IMMP2L: variants seen among roughly 807,000 people sequenced by gnomAD.
IMMP2L encodes inner mitochondrial membrane peptidase subunit 2.
In IMMP2L, 18 loss-of-function variants were observed where a neutral mutation model predicts 19.3. The observed-to-expected ratio is 0.93, with a 90% CI of 0.64 to 1.38. The LOEUF (loss-of-function observed/expected upper bound fraction) is 1.38. Among genes scored for constraint, IMMP2L ranks in the 40% most tolerant of loss-of-function variants. IMMP2L has a pLI of 0.00. For synonymous variants in IMMP2L, 76 were observed against 73.0 expected (o/e 1.04, Z -0.21); for missense variants, 233 against 218.2 (o/e 1.07, Z -0.43).
intron 3 of IMMP2L, among the ~76,000 whole-genome samples, chr7:111,047,674 T>C (rs900312878): frequency 6.6e-6 from 1 of 152,136 alleles, no homozygotes; most frequent in Non-Finnish European, 1.5e-5. Flanking sequence ...TTCTTAGAAA[T>C]TCCAGGGGCT....
At chr7:111,005,376 G>A (rs866209127) in intron 3 of IMMP2L, among the ~76,000 whole-genome samples, 7 of 152,036 alleles carry the variant, frequency 4.6e-5, no homozygotes, top group African/African-American at 7.2e-5. Flanking sequence ...AGTAGCTCTC[G>A]GAAATTATTA....
intron 3 of IMMP2L, chr7:111,411,772 C>A: frequency 5.1e-6 from 1 of 197,704 alleles, no homozygotes; most frequent in South Asian, 9.5e-5. Flanking sequence ...AGCTGGTGAG[C>A]GTCAACGTGC....
chr7:111,366,843 G>A (rs567581087), intron 3 of IMMP2L, among the ~76,000 whole-genome samples: 37 of 151,592 alleles, frequency 2.4e-4, no homozygotes, highest in Non-Finnish European at 4.0e-4. Flanking sequence ...ATACACACAC[G>A]TATATATGTG....
intron 3 of IMMP2L, among the ~76,000 whole-genome samples, chr7:111,037,221 T>G (rs924641408): frequency 6.6e-6 from 1 of 152,284 alleles, no homozygotes; most frequent in East Asian, 1.9e-4. Flanking sequence ...ATATACATAG[T>G]ATGGAACATT....
At chr7:110,724,557 T>C (rs561159920) in intron 5 of IMMP2L, 4 of 152,274 alleles carry the variant, frequency 2.6e-5, no homozygotes, top group African/African-American at 9.6e-5. Flanking sequence ...TTGCAGCTTC[T>C]CTGAGGAATG....
At chr7:111,038,975 G>A (rs940592448) in intron 3 of IMMP2L, among the ~76,000 whole-genome samples, 6 of 152,088 alleles carry the variant, frequency 3.9e-5, no homozygotes, top group Non-Finnish European at 7.4e-5. Flanking sequence ...TCTAAGCCTT[G>A]GAATTCAGGG....
chr7:111,263,608 T>G (rs1286630624), intron 3 of IMMP2L, among the ~76,000 whole-genome samples: 1 of 151,962 alleles, frequency 6.6e-6, no homozygotes, highest in African/African-American at 2.4e-5. Context: ...ACAGATAAAT[T>G]TGGGAGTCAT....
At chr7:111,305,729 T>C (rs748687193) in intron 3 of IMMP2L, among the ~76,000 whole-genome samples, 1 of 152,194 alleles carries the variant, frequency 6.6e-6, no homozygotes, top group Non-Finnish European at 1.5e-5. Flanking sequence ...TTTAAAATAA[T>C]GAAGAATCAG....
At position 111,013,646 on chromosome 7, in the gene IMMP2L, T is replaced by C. The variant is rs890766492; in HGVS notation, c.240-50081A>G. 2.0e-5 allele frequency among the ~76,000 whole-genome samples: 3 copies of C among 152,138 alleles called. 1 individual carries two copies. The highest frequency in any genetic ancestry group is 2.0e-4 in the Admixed American group (3 of 15,256). ...TCACTCCAAACTAACTCCTCCCACA[T>C]ACAAACTCCCATATATGCCCCTTGC... On this transcript the variant is annotated intron_variant, in intron 3 of 5. Transcript: ENST00000405709.
chr7:110,702,701 C>T (rs929562751), intron 5 of IMMP2L, among the ~76,000 whole-genome samples: 1 of 152,008 alleles, frequency 6.6e-6, no homozygotes, highest in Admixed American at 6.6e-5. Context: ...TTAACATTTT[C>T]AATTTTCAAT....
intron 3 of IMMP2L, among the ~76,000 whole-genome samples, chr7:111,384,508 T>C (rs187557401): frequency 1.4e-4 from 21 of 152,240 alleles, no homozygotes; most frequent in Admixed American, 1.1e-3. Flanking sequence ...AAGCACTTTG[T>C]AGGGCAGAAA....
intron 5 of IMMP2L, among the ~76,000 whole-genome samples, chr7:110,666,153 C>T (rs1211876686): frequency 6.6e-6 from 1 of 152,150 alleles, no homozygotes; most frequent in Non-Finnish European, 1.5e-5. Context: ...ACATCTCCAT[C>T]AGTATTTTAG....
intron 4 of IMMP2L, among the ~76,000 whole-genome samples, chr7:110,935,260 T>C (rs1815975924): frequency 6.6e-6 from 1 of 152,178 alleles, no homozygotes; most frequent in Non-Finnish European, 1.5e-5. Context: ...TTATGAAGCT[T>C]AGTTTGGGTG....
chr7:111,047,762 C>T (rs963085054), intron 3 of IMMP2L, among the ~76,000 whole-genome samples: 1 of 152,088 alleles, frequency 6.6e-6, no homozygotes. Flanking sequence ...AGTTAACAAC[C>T]CAGCCATTGT....
intron 3 of IMMP2L, among the ~76,000 whole-genome samples, chr7:111,020,297 T>G (rs1826149183): frequency 6.6e-6 from 1 of 152,032 alleles, no homozygotes; most frequent in African/African-American, 2.4e-5. Flanking sequence ...GACAGAAGAA[T>G]TGCTTGAACC....
At chr7:110,827,924 A>C (rs770823925) in intron 5 of IMMP2L, among the ~76,000 whole-genome samples, 1 of 152,146 alleles carries the variant, frequency 6.6e-6, no homozygotes, top group African/African-American at 2.4e-5. Context: ...GGATATATGC[A>C]AATTTATTAA....
chr7:111,408,000 T>C (rs1486143691), intron 3 of IMMP2L, among the ~76,000 whole-genome samples: 1 of 152,018 alleles, frequency 6.6e-6, no homozygotes, highest in Non-Finnish European at 1.5e-5. Context: ...ATTTTATTCC[T>C]ATTTCAGAGA....
At chr7:111,265,351 A>C (rs1562983793) in intron 3 of IMMP2L, among the ~76,000 whole-genome samples, 1 of 152,204 alleles carries the variant, frequency 6.6e-6, no homozygotes, top group Non-Finnish European at 1.5e-5. Flanking sequence ...ACCCAAATCA[A>C]AATCTCTACT....
chr7:111,015,027 A>G (rs1432961697), intron 3 of IMMP2L, among the ~76,000 whole-genome samples: 1 of 152,198 alleles, frequency 6.6e-6, no homozygotes, highest in East Asian at 1.9e-4. Flanking sequence ...TAAAATTACC[A>G]TATGATTCAG....
Sources: allele counts gnomAD v4.1 joint callset (sites outside exome capture counted in the v4.1 genomes callset), GRCh38; gene constraint gnomAD v4.1.1; transcripts MANE v1.5; gene names NCBI Gene and HGNC (gene_info 2026-07-23, HGNC 2026-07-21).